ZFHX3: variants seen among roughly 807,000 people sequenced by gnomAD.
ZFHX3 encodes zinc finger homeobox 3.
Under a neutral mutation model 279.1 loss-of-function variants are expected in ZFHX3, and 42 were observed. The observed-to-expected ratio is 0.15, with a 90% CI of 0.12 to 0.19. The LOEUF is 0.19. ZFHX3 is among the 10% of genes least tolerant of loss of function. ZFHX3 has a pLI of 1.00. For synonymous variants in ZFHX3, 2,293 were observed against 1,957.8 expected (o/e 1.17, Z -4.52); for missense variants, 4,981 against 4,754.0 (o/e 1.05, Z -1.40).
In ZFHX3 at chr16:72,795,135, G is replaced by A. The variant is rs903638186; in HGVS notation, c.7547C>T (p.Thr2516Ile). Residue 2516 changes from threonine (T) to isoleucine (I), a missense_variant, in exon 9 of 10, where the codon ACT becomes ATT. By Grantham distance (89) the Thr-to-Ile change is moderately conservative (BLOSUM62 -1). Transcript: ENST00000268489. ...HLPLKPLHTS[T>I]PQQLANLPPQ... is the part of the protein sequence containing the mutation. ...AGGTAGGTTTGCGAGCTGTTGAGGA[G>A]TTGATGTGTGGAGGGGCTTGAGGGG... is the stretch of plus-strand genomic sequence containing the variant. 19 of 1,613,690 alleles carry A rather than the reference G, an allele frequency of 1.2e-5. No homozygotes were observed. The highest frequency in any genetic ancestry group is 1.5e-5 in the Non-Finnish European group (18 of 1,179,956).
intron 1 of ZFHX3, among the ~76,000 whole-genome samples, chr16:73,850,974 G>C (rs575463802): frequency 2.0e-5 from 3 of 152,082 alleles, no homozygotes; most frequent in Non-Finnish European, 4.4e-5. Context: ...ACATAAAACT[G>C]TATGCCACCT....
At chr16:73,461,799 C>T (rs1597344399) in intron 2 of ZFHX3, among the ~76,000 whole-genome samples, 4 of 152,314 alleles carry the variant, frequency 2.6e-5, no homozygotes, top group Admixed American at 2.6e-4. Flanking sequence ...TTTAAACTGG[C>T]TAGATGATTC....
At position 73,888,905 on chromosome 16, in the gene ZFHX3, C is replaced by G. The variant is rs1051612321; in HGVS notation, c.-1608+2746G>C. 9.2e-5 allele frequency among the ~76,000 whole-genome samples: 14 copies of G among 151,556 alleles called. 1 individual carries two copies. Among genetic ancestry groups the G allele is most frequent in the Admixed American group, 1.3e-4 (2 of 15,228 alleles). ...CCAACGCCCGCCCCCTACCACCCCCCCAAAAAATCCTGTAAACCTCTGCTG... is the reference window on the plus strand; with the variant it reads ...CCAACGCCCGCCCCCTACCACCCCCGCAAAAAATCCTGTAAACCTCTGCTG... On this transcript the variant is annotated intron_variant, in intron 1 of 17. Transcript: ENST00000641206.
intron 2 of ZFHX3, among the ~76,000 whole-genome samples, chr16:73,661,702 A>G (rs1039868239): frequency 9.9e-5 from 15 of 150,922 alleles, no homozygotes; most frequent in African/African-American, 3.7e-4. Flanking sequence ...AGCCTGGACA[A>G]CAAAGCAAGA....
At chr16:73,574,841 G>A (rs2051783086) in intron 2 of ZFHX3, among the ~76,000 whole-genome samples, 1 of 152,062 alleles carries the variant, frequency 6.6e-6, no homozygotes, top group South Asian at 2.1e-4. Context: ...TTGTCATGCA[G>A]GACAGTTCCC....
chr16:72,855,387 T>C (rs2037731231), intron 4 of ZFHX3, among the ~76,000 whole-genome samples: 1 of 152,128 alleles, frequency 6.6e-6, no homozygotes, highest in South Asian at 2.1e-4. Context: ...CACCAGCCTG[T>C]AATAAGGAGA....
intron 1 of ZFHX3, among the ~76,000 whole-genome samples, chr16:72,963,002 C>T (rs1051921289): frequency 2.0e-5 from 3 of 152,160 alleles, no homozygotes; most frequent in Non-Finnish European, 4.4e-5. Context: ...TGTTTATCAG[C>T]CAGTCAATAA....
At chr16:72,970,071 TCAGCC>T (rs1962035377) in intron 1 of ZFHX3, among the ~76,000 whole-genome samples, 1 of 152,192 alleles carries the variant, frequency 6.6e-6, no homozygotes, top group African/African-American at 2.4e-5. Flanking sequence ...AACTGCTAGC[TCAGCC>T]CATTCTGCAG....
At chr16:72,873,737 T>C (rs957631386) in intron 4 of ZFHX3, among the ~76,000 whole-genome samples, 4 of 152,226 alleles carry the variant, frequency 2.6e-5, no homozygotes, top group African/African-American at 9.6e-5. Context: ...AGTGCTGTCT[T>C]CATATAGATA....
In ZFHX3 at chr16:73,781,800, A is replaced by C. The variant is rs1237834737; in HGVS notation, c.-1607-101560T>G. Among the ~76,000 whole-genome samples the C allele has an allele frequency of 2.0e-5, 3 of 152,170 alleles. No individual in the cohort carries two copies. The East Asian group carries it at 5.8e-4, about 29-fold the overall frequency. The stretch of plus-strand genomic sequence containing the variant: ...TCAGGAGTTTGAGACCAGCCTGACC[A>C]ACATAGTGAAACCCCGTCTCTACTA... On this transcript the variant is annotated intron_variant, in intron 1 of 17. Transcript: ENST00000641206.
intron 4 of ZFHX3, among the ~76,000 whole-genome samples, chr16:73,298,333 T>C (rs113601040): frequency 9.6e-4 from 146 of 151,844 alleles, no homozygotes; most frequent in African/African-American, 3.4e-3. Flanking sequence ...TACAGGTATG[T>C]GCCACCATGC....
intron 1 of ZFHX3, among the ~76,000 whole-genome samples, chr16:73,881,420 G>A (rs1228951648): frequency 7.4e-6 from 1 of 135,050 alleles, no homozygotes; most frequent in African/African-American, 2.7e-5. Context: ...AGGTTTGCTG[G>A]TAATGATCAC....
At chr16:73,522,272 A>G (rs2019620316) in intron 2 of ZFHX3, among the ~76,000 whole-genome samples, 1 of 152,250 alleles carries the variant, frequency 6.6e-6, no homozygotes, top group South Asian at 2.1e-4. Context: ...AAGCAAAGAC[A>G]TAAAACAGAC....
intron 2 of ZFHX3, among the ~76,000 whole-genome samples, chr16:73,574,243 T>C (rs1289527766): frequency 2.0e-5 from 3 of 152,196 alleles, no homozygotes; most frequent in Non-Finnish European, 4.4e-5. Flanking sequence ...AAATCACCTC[T>C]TTATTTCTCA....
At chr16:73,192,132 C>A (rs946957034) in intron 5 of ZFHX3, among the ~76,000 whole-genome samples, 1 of 152,106 alleles carries the variant, frequency 6.6e-6, no homozygotes, top group African/African-American at 2.4e-5. Context: ...AGCACATGAG[C>A]CTCACTTGCT....
chr16:73,294,942 G>A (rs949382462), intron 4 of ZFHX3, among the ~76,000 whole-genome samples: 3 of 151,596 alleles, frequency 2.0e-5, no homozygotes, highest in Non-Finnish European at 4.4e-5. Context: ...GGCTGGGCGC[G>A]GTGACTCACG....
At chr16:72,950,174 C>T (rs1367078934) in intron 3 of ZFHX3, among the ~76,000 whole-genome samples, 2 of 151,758 alleles carry the variant, frequency 1.3e-5, no homozygotes, top group African/African-American at 4.8e-5. Context: ...GCAAAAGAGC[C>T]CATGTAAGAA....
At chr16:73,466,901 A>G (rs1345872) in intron 2 of ZFHX3, among the ~76,000 whole-genome samples, 20,468 of 152,174 alleles carry the variant, frequency 0.13, 1,543 homozygotes, top group East Asian at 0.24. Context: ...CACAGGGAAC[A>G]CTAAGAAAGA....
intron 3 of ZFHX3, among the ~76,000 whole-genome samples, chr16:73,355,820 C>A (rs1007312214): frequency 2.6e-5 from 4 of 152,122 alleles, no homozygotes; most frequent in African/African-American, 7.2e-5. Context: ...TCCAACAGAG[C>A]GCGACGGTAC....
Sources: gnomAD v4.1 joint callset for allele counts (sites outside exome capture counted in the v4.1 genomes callset) on GRCh38, gnomAD v4.1.1 for gene constraint, MANE v1.5 for transcripts, NCBI Gene and HGNC (gene_info 2026-07-23, HGNC 2026-07-21) for gene names.